ROBO2: variants seen among roughly 807,000 people sequenced by gnomAD.
ROBO2 encodes the protein roundabout guidance receptor 2.
Under a neutral mutation model 160.8 loss-of-function variants are expected in ROBO2, and 53 were observed. The ratio of observed to expected loss-of-function variants is 0.33; its 90% CI spans 0.26 to 0.41. ROBO2 has a LOEUF of 0.41. Among genes scored for constraint, ROBO2 ranks in the 10% least tolerant of loss-of-function variants. The pLI is 1.00. For synonymous variants in ROBO2, 664 were observed against 611.7 expected (o/e 1.09, Z -1.26); for missense variants, 1,577 against 1,722.4 (o/e 0.92, Z 1.49).
At chr3:76,024,373 T>A (rs980800425) in intron 2 of ROBO2, among the ~76,000 whole-genome samples, 3 of 8,086 alleles carry the variant, frequency 3.7e-4, no homozygotes, top group Non-Finnish European at 1.0e-3. Context: ...TAGAACTTAT[T>A]TTTTTTTTTT....
At chr3:76,927,918 G>A (rs1010680709) in intron 2 of ROBO2, among the ~76,000 whole-genome samples, 8 of 152,018 alleles carry the variant, frequency 5.3e-5, no homozygotes, top group Non-Finnish European at 8.8e-5. Flanking sequence ...TCCCTTTGAA[G>A]TTACAAAAAT....
At position 76,220,838 on chromosome 3, in the gene ROBO2, T is replaced by C. The variant is rs149941527; in HGVS notation, c.109+283236T>C. On this transcript the variant is annotated intron_variant, in intron 2 of 26. Transcript: ENST00000487694. ...CTTAGTTCTATAACTAGTCACATGA[T>C]CATAGCTGGTATTTGTAACCACCTT... Among the ~76,000 whole-genome samples, 1,463 of 152,292 alleles carry C rather than the reference T, an allele frequency of 9.6e-3. 29 individuals carry two copies. The highest frequency in any genetic ancestry group is 0.033 in the African/African-American group (1,355 of 41,550).
rs191499440 is a variant in ROBO2, at chr3:76,125,287, G to T, written c.109+187685G>T. On this transcript the variant is annotated intron_variant, in intron 2 of 26. Coordinates refer to the ROBO2 transcript ENST00000487694. ...GTTGATTCCATGTCCTTGCTATTGT[G>T]GGTAGCACAACAGTGAACACATGAG... Among the ~76,000 whole-genome samples the T allele has an allele frequency of 7.2e-5, 11 of 152,246 alleles. No individual in the cohort carries two copies. The South Asian group carries it at 2.3e-3, about 32-fold the overall frequency.
intron 5 of ROBO2, among the ~76,000 whole-genome samples, chr3:77,495,027 A>G (rs1455514952): frequency 6.6e-6 from 1 of 152,224 alleles, no homozygotes; most frequent in Non-Finnish European, 1.5e-5. Flanking sequence ...ATGCCCTCTC[A>G]TTGGAGAAGC....
At chr3:75,991,311 C>G (rs920922858) in intron 2 of ROBO2, among the ~76,000 whole-genome samples, 11 of 152,086 alleles carry the variant, frequency 7.2e-5, no homozygotes, top group Admixed American at 2.0e-4. Context: ...TGAATTGTAA[C>G]TCCTACAATT....
intron 2 of ROBO2, among the ~76,000 whole-genome samples, chr3:76,638,779 G>A (rs73120418): frequency 7.2e-5 from 11 of 152,046 alleles, no homozygotes; most frequent in African/African-American, 2.7e-4. Flanking sequence ...TTTTTACTCT[G>A]AGTATGTAGG....
chr3:77,407,756 A>T (rs1007739895), intron 2 of ROBO2, among the ~76,000 whole-genome samples: 1 of 152,216 alleles, frequency 6.6e-6, no homozygotes, highest in Non-Finnish European at 1.5e-5. Context: ...TTTATTTTAG[A>T]CATTACTCTT....
intron 2 of ROBO2, among the ~76,000 whole-genome samples, chr3:76,319,874 A>G (rs2072369321): frequency 6.6e-6 from 1 of 152,016 alleles, no homozygotes; most frequent in South Asian, 2.1e-4. Context: ...TAGAAATTCA[A>G]GTAATCTATG....
chr3:77,455,301 T>C (rs935117207), intron 2 of ROBO2, among the ~76,000 whole-genome samples: 3 of 152,134 alleles, frequency 2.0e-5, no homozygotes, highest in Non-Finnish European at 4.4e-5. Context: ...TACGAAAAAC[T>C]TTTAAGTTAC....
intron 2 of ROBO2, among the ~76,000 whole-genome samples, chr3:76,018,432 A>T (rs754944850): frequency 4.0e-5 from 6 of 151,520 alleles, no homozygotes; most frequent in Non-Finnish European, 8.8e-5. Context: ...CTGTATCTCT[A>T]TTTACTATTT....
At chr3:77,595,894 G>C (rs1318367973) in intron 18 of ROBO2, among the ~76,000 whole-genome samples, 4 of 152,072 alleles carry the variant, frequency 2.6e-5, no homozygotes, top group Non-Finnish European at 5.9e-5. Flanking sequence ...AATGATTATA[G>C]ATGTTCTATT....
rs193110972 is a variant in ROBO2, at chr3:76,320,376, T to C, written c.109+382774T>C. Among the ~76,000 whole-genome samples, 299 of 152,304 alleles carry C rather than the reference T, an allele frequency of 2.0e-3. 1 individual carries two copies. Among genetic ancestry groups the C allele is most frequent in the South Asian group, 8.5e-3 (41 of 4,828 alleles). On this transcript the variant is annotated intron_variant, in intron 2 of 26. Coordinates refer to the ROBO2 transcript ENST00000487694. ...TCAGTATTGTCAATTTACAGCTCTT[T>C]GTATTTTGCCAGGATGAGGTACAGA...
chr3:76,315,182 C>G (rs187520903), intron 2 of ROBO2, among the ~76,000 whole-genome samples: 5 of 152,276 alleles, frequency 3.3e-5, no homozygotes, highest in Admixed American at 2.6e-4. Context: ...GACCTTGACT[C>G]CATTTCAACC....
intron 2 of ROBO2, among the ~76,000 whole-genome samples, chr3:76,158,839 T>C (rs555124025): frequency 1.6e-4 from 25 of 152,328 alleles, no homozygotes; most frequent in African/African-American, 6.0e-4. Flanking sequence ...CATTCTATTA[T>C]ACAGTTATAT....
chr3:77,519,442 A>C (rs1315541158), intron 5 of ROBO2, among the ~76,000 whole-genome samples: 1 of 151,182 alleles, frequency 6.6e-6, no homozygotes, highest in East Asian at 2.0e-4. Context: ...TGGGGTACAA[A>C]TTGTGCCATC....
chr3:76,444,591 A>G (rs1415669678), intron 2 of ROBO2, among the ~76,000 whole-genome samples: 5 of 152,020 alleles, frequency 3.3e-5, no homozygotes, highest in African/African-American at 9.7e-5. Flanking sequence ...CCCTTATAAA[A>G]CCATCAGATT....
intron 2 of ROBO2, among the ~76,000 whole-genome samples, chr3:76,977,216 T>G (rs1390860379): frequency 6.6e-6 from 1 of 152,220 alleles, no homozygotes; most frequent in Non-Finnish European, 1.5e-5. Flanking sequence ...AACATTATGT[T>G]TCCTCACCAG....
chr3:77,203,262 C>T (rs1483502498), intron 2 of ROBO2, among the ~76,000 whole-genome samples: 1 of 152,146 alleles, frequency 6.6e-6, no homozygotes, highest in Non-Finnish European at 1.5e-5. Flanking sequence ...TTTATCCACA[C>T]TTCTGATTGT....
At chr3:76,689,052 CATA>C (rs1443468086) in intron 2 of ROBO2, among the ~76,000 whole-genome samples, 2 of 151,962 alleles carry the variant, frequency 1.3e-5, no homozygotes, top group African/African-American at 4.8e-5. Flanking sequence ...AAAAATAATA[CATA>C]ATGTTAAATG....
Sources: allele counts gnomAD v4.1 joint callset (sites outside exome capture counted in the v4.1 genomes callset), GRCh38; gene constraint gnomAD v4.1.1; transcripts MANE v1.5; gene names NCBI Gene and HGNC (gene_info 2026-07-23, HGNC 2026-07-21).